LINS1: variants seen among roughly 807,000 people sequenced by gnomAD.
The protein encoded by LINS1 is lines homolog 1.
LINS1 carries 27 observed loss-of-function variants against 41.6 expected under a neutral mutation model. That is an observed-to-expected ratio of 0.65 (90% CI 0.48 to 0.89). LINS1 has a LOEUF of 0.89. Ranked by LOEUF, LINS1 falls within the 40% of genes least tolerant of loss-of-function variation. LINS1 has a pLI of 0.00. For missense variants in LINS1, 955 were observed against 884.1 expected, an observed-to-expected ratio of 1.08 and a Z score of -1.02; for synonymous variants, 336 against 312.9, an observed-to-expected ratio of 1.07 and a Z score of -0.78.
Position 100,580,516 on chromosome 15 carries a change from C to A in LINS1, c.327G>T (p.Glu109Asp). The A allele has an allele frequency of 1.2e-6, 2 of 1,614,016 alleles. No homozygotes were observed. Among genetic ancestry groups the A allele is most frequent in the Non-Finnish European group, 1.7e-6 (2 of 1,179,956 alleles). Residue 109 changes from glutamate (E) to aspartate (D), a missense_variant, in exon 2 of 7, where the codon GAG becomes GAT. Physicochemically the swap from Glu to Asp is conservative, Grantham distance 45. Transcript: ENST00000314742. ...CTCTGTACTGCTCCTTTGCATGGAA[C>A]TCGGTTTTGACAGACAATATCCGGG... ...MTTRILSVKTEFHAKEQYRDV... is the reference protein window; with the variant it reads ...MTTRILSVKTDFHAKEQYRDV...
intron 3 of LINS1, among the ~76,000 whole-genome samples, chr15:100,577,705 T>C (rs1187146941): frequency 7.2e-5 from 11 of 152,220 alleles, no homozygotes; most frequent in South Asian, 6.2e-4. Context: ...AAAAAGAGCC[T>C]GCATTGCCAA....
intron 5 of LINS1, 127 bp from the exon 6 acceptor site, chr15:100,572,192 T>C (rs2037869559): frequency 6.6e-7 from 1 of 1,510,338 alleles, no homozygotes; most frequent in Non-Finnish European, 8.8e-7. Flanking sequence ...TTTCAAAAAG[T>C]CATCAGGAAT....
intron 1 of LINS1, among the ~76,000 whole-genome samples, chr15:100,591,064 C>T (rs919417621): frequency 1.3e-5 from 2 of 152,122 alleles, no homozygotes; most frequent in African/African-American, 2.4e-5. Context: ...GTAATCCCAG[C>T]TGCTCAGGAG....
chr15:100,577,775 A>G (rs1014132190), intron 3 of LINS1, among the ~76,000 whole-genome samples: 3 of 152,204 alleles, frequency 2.0e-5, no homozygotes, highest in African/African-American at 4.8e-5. Context: ...TTCCAACTAT[A>G]CTACAAGGCT....
intron 6 of LINS1, 107 bp downstream of exon 6, chr15:100,571,785 GTT>G: frequency 1.5e-6 from 2 of 1,295,670 alleles, no homozygotes; most frequent in South Asian, 2.4e-5. Flanking sequence ...GCAACAGGAT[GTT>G]TTCCCCCAAA....
In LINS1 at chr15:100,574,139, A is replaced by G. The variant is rs544835134; in HGVS notation, c.734T>C (p.Ile245Thr). The G allele has an allele frequency of 3.7e-6, 6 of 1,613,940 alleles. No individual in the cohort carries two copies. In the East Asian group the frequency reaches 6.7e-5, roughly 18 times the overall value. The change falls in exon 5 of 7, where the codon ATA becomes ACA. Residue 245 changes from isoleucine (I) to threonine (T), a missense_variant. By Grantham distance (89) the Ile-to-Thr change is moderately conservative. Transcript: ENST00000314742. ...CAGGAAACACATCAGGATGTTTACT[A>G]TTTTAGAAGTATCCCGGCAGTTTTC... ...HFENCRDTSK[I>T]VNILMCFLDL...
chr15:100,583,668 A>G (rs1355267596), intron 1 of LINS1, among the ~76,000 whole-genome samples: 1 of 152,250 alleles, frequency 6.6e-6, no homozygotes, highest in Non-Finnish European at 1.5e-5. Flanking sequence ...ATTCCCAAAT[A>G]GGACCTACTT....
At chr15:100,585,869 C>T (rs79162496) in intron 1 of LINS1, among the ~76,000 whole-genome samples, 3,758 of 152,242 alleles carry the variant, frequency 0.025, 137 homozygotes, top group African/African-American at 0.082. Flanking sequence ...CCTTCAGAAC[C>T]GTCAGCATAC....
In LINS1 at chr15:100,569,237, T is replaced by TTG; in HGVS notation, c.2274_*1insCA. On this transcript the variant is annotated 3_prime_UTR_variant, in exon 7 of 7. Transcript: ENST00000314742. ...TACCTGGAAAATAAAATGTCAATGT[T>TTG]TTACAAAGTGTTCATAGTTTTATTA... 6.4e-7 allele frequency: 1 copy of TTG among 1,565,884 alleles called. No individual in the cohort carries two copies. The highest frequency in any genetic ancestry group is 2.2e-5 in the East Asian group (1 of 44,618).
chr15:100,583,264 T>G (rs963761400), intron 1 of LINS1, among the ~76,000 whole-genome samples: 7 of 152,166 alleles, frequency 4.6e-5, no homozygotes, highest in Non-Finnish European at 8.8e-5. Context: ...GGTCTTATAC[T>G]GGGTCTTCCG....
At chr15:100,570,348 CAAT>C (rs1260523226) in intron 6 of LINS1, 13 of 440,084 alleles carry the variant, frequency 3.0e-5, no homozygotes, top group African/African-American at 2.4e-4. Context: ...TTTGTCTGCC[CAAT>C]AAAAGTTACC....
chr15:100,579,064 C>T (rs12915313), intron 3 of LINS1, among the ~76,000 whole-genome samples: 134,112 of 142,238 alleles, frequency 0.94, 63,407 homozygotes, highest in Middle Eastern at 0.99. Flanking sequence ...TTAGGAGATA[C>T]ACCTAATGTA....
intron 5 of LINS1, chr15:100,573,332 T>G (rs1355870187): frequency 1.8e-6 from 2 of 1,122,912 alleles, no homozygotes; most frequent in Non-Finnish European, 1.1e-6. Flanking sequence ...AAAAAAGGAT[T>G]AATATAAATA....
At chr15:100,575,229 G>A (rs1305892365) in intron 3 of LINS1, 101 bp from the exon 4 acceptor site, 22 of 1,023,494 alleles carry the variant, frequency 2.1e-5, no homozygotes, top group Admixed American at 4.1e-5. Flanking sequence ...AAAGAAGTAT[G>A]ATAATATGTG....
chr15:100,579,118 T>C (rs904846978), intron 3 of LINS1, among the ~76,000 whole-genome samples: 3 of 151,984 alleles, frequency 2.0e-5, no homozygotes, highest in African/African-American at 7.2e-5. Context: ...GGCACATGTA[T>C]ACATATGTAA....
At position 100,567,989 on chromosome 15, in the gene LINS1, T is replaced by C. The variant is rs2037615264; in HGVS notation, c.*1249A>G. 6.6e-6 allele frequency: 1 copy of C among 151,710 alleles called. No individual in the cohort carries two copies. The highest frequency in any genetic ancestry group is 2.1e-4 in the South Asian group (1 of 4,796). 9.4% of individuals were successfully genotyped at this position (151,710 alleles called of 1,614,324 possible). ...GCAAAGAGATCATTAAAAAAAAATG[T>C]ACAGGCAATATTTTAGACTGCCTTA... is the stretch of plus-strand genomic sequence containing the variant. On this transcript the variant is annotated 3_prime_UTR_variant, in exon 7 of 7. Coordinates refer to ENST00000314742, the MANE Select transcript of LINS1 (RefSeq NM_001040616.3).
In LINS1 at chr15:100,569,450, C is replaced by T; in HGVS notation, c.2062G>A (p.Asp688Asn). The T allele has an allele frequency of 1.2e-6, 2 of 1,614,178 alleles. No homozygotes were observed. The highest frequency in any genetic ancestry group is 1.7e-6 in the Non-Finnish European group (2 of 1,180,024). Residue 688 changes from aspartate (D) to asparagine (N), a missense_variant, in exon 7 of 7, where the codon GAT becomes AAT. By Grantham distance (23) the Asp-to-Asn change is conservative. Coordinates refer to ENST00000314742, the MANE Select transcript of LINS1 (RefSeq NM_001040616.3). ...PSRPLVLKEF[D>N]TAFSFDCEVA... is the part of the protein sequence containing the mutation. ...TCACAATCAAAGGAGAAGGCAGTAT[C>T]AAATTCTTTCAGAACCAGAGGCCTT... is the stretch of plus-strand genomic sequence containing the variant.
intron 1 of LINS1, among the ~76,000 whole-genome samples, chr15:100,581,801 C>A (rs1299583829): frequency 6.6e-6 from 1 of 152,198 alleles, no homozygotes; most frequent in African/African-American, 2.4e-5. Flanking sequence ...AACCCTCTCC[C>A]CAGTGGGAAA....
intron 1 of LINS1, among the ~76,000 whole-genome samples, chr15:100,589,981 C>G (rs921847175): frequency 6.6e-6 from 1 of 152,166 alleles, no homozygotes; most frequent in African/African-American, 2.4e-5. Context: ...ATTGTCCTTG[C>G]CATCCACATT....
Sources: gnomAD v4.1 joint callset for allele counts (sites outside exome capture counted in the v4.1 genomes callset) on GRCh38, gnomAD v4.1.1 for gene constraint, MANE v1.5 for transcripts, NCBI Gene and HGNC (gene_info 2026-07-23, HGNC 2026-07-21) for gene names.